FSTL5: variants seen among roughly 807,000 people sequenced by gnomAD.
FSTL5 encodes the protein follistatin-related protein 5.
Under a neutral mutation model 89.1 loss-of-function variants are expected in FSTL5, and 62 were observed. The ratio of observed to expected loss-of-function variants is 0.70; its 90% CI spans 0.57 to 0.86. FSTL5 has a LOEUF of 0.86. Among genes scored for constraint, FSTL5 ranks in the 40% least tolerant of loss-of-function variants. FSTL5 has a pLI of 0.00. For missense variants in FSTL5, 1,057 were observed against 1,001.6 expected (o/e 1.06, Z -0.75); for synonymous variants, 383 against 346.2 (o/e 1.11, Z -1.18).
At chr4:161,878,724 A>G (rs1306535321) in intron 4 of FSTL5, among the ~76,000 whole-genome samples, 1 of 152,152 alleles carries the variant, frequency 6.6e-6, no homozygotes, top group Non-Finnish European at 1.5e-5. Flanking sequence ...CAGGTTTACT[A>G]TATATTAGTG....
At chr4:161,411,314 G>A (rs944002246) in intron 15 of FSTL5, among the ~76,000 whole-genome samples, 3 of 151,820 alleles carry the variant, frequency 2.0e-5, no homozygotes, top group African/African-American at 7.3e-5. Flanking sequence ...AGAAGGAGGA[G>A]TTCCTTCCTA....
chr4:162,085,760 C>CT (rs1184017745), intron 2 of FSTL5, among the ~76,000 whole-genome samples: 1 of 152,086 alleles, frequency 6.6e-6, no homozygotes. Context: ...TTGAATAGCT[C>CT]TGTCATTTGC....
intron 6 of FSTL5, among the ~76,000 whole-genome samples, chr4:161,660,385 G>T (rs933237121): frequency 6.6e-6 from 1 of 152,144 alleles, no homozygotes; most frequent in African/African-American, 2.4e-5. Context: ...CTTGCAGCGT[G>T]ATTAGTGGGT....
intron 11 of FSTL5, among the ~76,000 whole-genome samples, chr4:161,508,491 G>A (rs1032552658): frequency 2.0e-5 from 3 of 152,010 alleles, no homozygotes; most frequent in Admixed American, 6.6e-5. Flanking sequence ...AAATGAAATC[G>A]TGATGCATAA....
intron 4 of FSTL5, among the ~76,000 whole-genome samples, chr4:161,903,798 G>C (rs1733441601): frequency 1.3e-5 from 2 of 151,146 alleles, no homozygotes; most frequent in Non-Finnish European, 2.9e-5. Context: ...AAAAGCATAA[G>C]ATGCCTAGAT....
intron 6 of FSTL5, among the ~76,000 whole-genome samples, chr4:161,712,709 TAGTG>T (rs947775055): frequency 4.0e-5 from 6 of 151,732 alleles, no homozygotes; most frequent in Admixed American, 3.9e-4. Context: ...GTCCTCACAT[TAGTG>T]AGTATGTTCT....
chr4:161,609,339 A>T (rs1264447392), intron 7 of FSTL5, among the ~76,000 whole-genome samples: 1 of 152,156 alleles, frequency 6.6e-6, no homozygotes, highest in East Asian at 1.9e-4. Context: ...TTACTAAGCG[A>T]TATATCAATA....
At chr4:161,508,494 A>T (rs891601440) in intron 11 of FSTL5, among the ~76,000 whole-genome samples, 1 of 152,156 alleles carries the variant, frequency 6.6e-6, no homozygotes, top group Non-Finnish European at 1.5e-5. Flanking sequence ...TGAAATCGTG[A>T]TGCATAAGAA....
intron 1 of FSTL5, 81 bp from the exon 2 acceptor site, chr4:162,111,493 C>T (rs1731442017): frequency 2.7e-6 from 3 of 1,091,232 alleles, no homozygotes; most frequent in African/African-American, 3.2e-5. Context: ...TTTAATATCA[C>T]ATATAAATCT....
chr4:162,141,209 C>CT (rs1165271807), intron 1 of FSTL5, among the ~76,000 whole-genome samples: 1 of 82,562 alleles, frequency 1.2e-5, no homozygotes, highest in Non-Finnish European at 2.7e-5. Flanking sequence ...CTCCGCCTCC[C>CT]GGGTTCACGC....
At chr4:161,795,707 A>C (rs1729613129) in intron 4 of FSTL5, among the ~76,000 whole-genome samples, 2 of 152,038 alleles carry the variant, frequency 1.3e-5, no homozygotes, top group African/African-American at 4.8e-5. Flanking sequence ...TATTTGTTGA[A>C]GAGAGTATTC....
At chr4:161,680,479 T>C (rs1238059788) in intron 6 of FSTL5, among the ~76,000 whole-genome samples, 1 of 151,980 alleles carries the variant, frequency 6.6e-6, no homozygotes, top group Non-Finnish European at 1.5e-5. Context: ...CCAAAGCACT[T>C]GAGATAAAGT....
At chr4:161,567,202 A>G (rs1305197531) in intron 8 of FSTL5, among the ~76,000 whole-genome samples, 1 of 152,148 alleles carries the variant, frequency 6.6e-6, no homozygotes, top group Non-Finnish European at 1.5e-5. Context: ...CATAAATTAC[A>G]CACAATAAAG....
chr4:161,911,306 G>A (rs540964976), intron 4 of FSTL5, among the ~76,000 whole-genome samples: 14 of 151,924 alleles, frequency 9.2e-5, no homozygotes, highest in Admixed American at 2.6e-4. Context: ...GGAGCCAAAC[G>A]TCTTATTCAG....
At chr4:162,018,281 T>C (rs1009945001) in intron 3 of FSTL5, among the ~76,000 whole-genome samples, 49 of 152,262 alleles carry the variant, frequency 3.2e-4, no homozygotes, top group African/African-American at 1.0e-3. Context: ...GTTCAGGACT[T>C]ACCACTTTTA....
intron 4 of FSTL5, among the ~76,000 whole-genome samples, chr4:161,905,263 T>C (rs1733489196): frequency 6.6e-6 from 1 of 152,136 alleles, no homozygotes; most frequent in African/African-American, 2.4e-5. Flanking sequence ...ATAGACAATG[T>C]TGGACAGTAT....
intron 7 of FSTL5, among the ~76,000 whole-genome samples, chr4:161,654,855 CT>C (rs1482607513): frequency 2.6e-5 from 4 of 152,092 alleles, no homozygotes; most frequent in Non-Finnish European, 5.9e-5. Flanking sequence ...ACAATTTTTA[CT>C]TTTCATCTTG....
chr4:161,400,046 T>G (rs543661081), intron 15 of FSTL5, among the ~76,000 whole-genome samples: 4 of 152,160 alleles, frequency 2.6e-5, no homozygotes, highest in Admixed American at 6.5e-5. Flanking sequence ...ATCTATTATA[T>G]GCTTCATAAT....
chr4:161,679,624 C>A (rs2126707078), intron 6 of FSTL5, among the ~76,000 whole-genome samples: 1 of 151,820 alleles, frequency 6.6e-6, no homozygotes, highest in South Asian at 2.1e-4. Flanking sequence ...AAAACATGTG[C>A]TTGGTACACA....
Sources: gnomAD v4.1 joint callset for allele counts (sites outside exome capture counted in the v4.1 genomes callset) on GRCh38, gnomAD v4.1.1 for gene constraint, MANE v1.5 for transcripts, NCBI Gene and HGNC (gene_info 2026-07-23, HGNC 2026-07-21) for gene names.